PHKA1: variants seen among roughly 807,000 people sequenced by gnomAD.
PHKA1 encodes the protein phosphorylase kinase regulatory subunit alpha 1, also known as phosphorylase b kinase regulatory subunit alpha, skeletal muscle isoform.
PHKA1 carries 60 observed loss-of-function variants against 110.2 expected under a neutral mutation model. The observed-to-expected ratio is 0.54, with a 90% CI of 0.44 to 0.68. PHKA1 has a LOEUF of 0.68. PHKA1 is among the 30% of genes least tolerant of loss of function. The pLI is 0.00. For synonymous variants in PHKA1, 316 were observed against 333.6 expected, an observed-to-expected ratio of 0.95 and a Z score of 0.58; for missense variants, 801 against 942.5, an observed-to-expected ratio of 0.85 and a Z score of 1.97.
At chrX:72,644,099 A>G (rs943939116) in intron 14 of PHKA1, among the ~76,000 whole-genome samples, 6 of 111,500 alleles carry the variant, frequency 5.4e-5, no homozygotes, top group Non-Finnish European at 9.4e-5. Flanking sequence ...AGAACATGTT[A>G]TTTAAGCACA....
At chrX:72,653,590 G>A in intron 10 of PHKA1, 60 bp from the exon 11 acceptor site, 5 of 774,987 alleles carry the variant, frequency 6.5e-6, no homozygotes, top group South Asian at 4.4e-5. Context: ...GGGGACCCAG[G>A]AGAAGGTTGC....
At chrX:72,592,935 A>G (rs1556227659) in intron 29 of PHKA1, among the ~76,000 whole-genome samples, 169 bp downstream of exon 29, 1 of 112,720 alleles carries the variant, frequency 8.9e-6, no homozygotes, top group African/African-American at 3.2e-5. Flanking sequence ...TAATAATGCC[A>G]CAATAACAAA....
intron 19 of PHKA1, among the ~76,000 whole-genome samples, 163 bp downstream of exon 19, chrX:72,620,562 C>A (rs1467691518): frequency 8.9e-6 from 1 of 112,022 alleles, no homozygotes; most frequent in Non-Finnish European, 1.9e-5. Flanking sequence ...ACTCATTTTA[C>A]AAATATTTGA....
intron 17 of PHKA1, 50 bp downstream of exon 17, chrX:72,626,921 G>A (rs781953949): frequency 2.1e-6 from 2 of 944,973 alleles, no homozygotes; most frequent in Non-Finnish European, 3.1e-6. Flanking sequence ...ACTATATCCA[G>A]CCCCTTAATT....
At chrX:72,626,002 T>C (rs782028862) in intron 17 of PHKA1, among the ~76,000 whole-genome samples, 15 of 110,853 alleles carry the variant, frequency 1.4e-4, no homozygotes, top group Non-Finnish European at 2.3e-4. Flanking sequence ...AAAACTTAAG[T>C]ATTTAGGGTT....
chrX:72,597,864 A>G (rs2052611120), intron 28 of PHKA1, among the ~76,000 whole-genome samples: 1 of 111,234 alleles, frequency 9.0e-6, no homozygotes, highest in African/African-American at 3.3e-5. Flanking sequence ...CCCTCCATAC[A>G]TAATCATAGA....
chrX:72,700,308 A>G (rs1196249870), intron 3 of PHKA1, among the ~76,000 whole-genome samples: 1 of 112,281 alleles, frequency 8.9e-6, no homozygotes, highest in Non-Finnish European at 1.9e-5. Flanking sequence ...AAACTTTTAT[A>G]TTTGACAAAT....
intron 8 of PHKA1, among the ~76,000 whole-genome samples, chrX:72,663,082 A>T (rs1043061912): frequency 9.0e-6 from 1 of 111,457 alleles, no homozygotes; most frequent in Non-Finnish European, 1.9e-5. Context: ...ATGTTATAAA[A>T]GAAACTCAAA....
At chrX:72,649,256 AT>A (rs781978667) in intron 13 of PHKA1, among the ~76,000 whole-genome samples, 11 of 112,351 alleles carry the variant, frequency 9.8e-5, no homozygotes, top group African/African-American at 3.2e-4. Flanking sequence ...AAGTCAAGTG[AT>A]TGGAGACATC....
At chrX:72,678,350 ATCTGTATC>A (rs1202366446) in intron 5 of PHKA1, among the ~76,000 whole-genome samples, 1 of 111,694 alleles carries the variant, frequency 9.0e-6, no homozygotes, top group African/African-American at 3.3e-5. Flanking sequence ...TCCCACACAC[ATCTGTATC>A]TCTGTATCTA....
Position 72,640,016 on chromosome X carries a change from T to C in PHKA1, c.1460-3630A>G, listed in dbSNP as rs1244061550. Among the ~76,000 whole-genome samples, 3 of 111,998 alleles carry C rather than the reference T, an allele frequency of 2.7e-5. No homozygotes were observed. In the East Asian group the frequency reaches 8.3e-4, roughly 31 times the overall value. On this transcript the variant is annotated intron_variant, in intron 14 of 31. Transcript: ENST00000373542. ...GGCAAAAAGTCAGATTTTTACCTCA[T>C]TGGATAAACTAAAATTAATATTATA...
At chrX:72,679,937 T>A (rs984419739) in intron 5 of PHKA1, among the ~76,000 whole-genome samples, 2 of 110,938 alleles carry the variant, frequency 1.8e-5, no homozygotes, top group Non-Finnish European at 3.8e-5. Context: ...AAATGGACCC[T>A]AAATAGAAGA....
chrX:72,604,813 G>C (rs930290156), intron 25 of PHKA1, among the ~76,000 whole-genome samples: 27 of 111,626 alleles, frequency 2.4e-4, no homozygotes, highest in Admixed American at 2.1e-3. Context: ...ATTTCAAAGA[G>C]AGTCTTGTCA....
chrX:72,622,948 A>G (rs898137087), intron 18 of PHKA1, 161 bp downstream of exon 18: 3 of 753,850 alleles, frequency 4.0e-6, no homozygotes, highest in Non-Finnish European at 4.7e-6. Context: ...CAGAAACCAA[A>G]GGTAAGTAGA....
intron 19 of PHKA1, 37 bp from the exon 20 acceptor site, chrX:72,619,342 A>C: frequency 1.2e-6 from 1 of 816,689 alleles, no homozygotes; most frequent in South Asian, 2.1e-5. Flanking sequence ...ATATTAGGTA[A>C]TTAGGAGACT....
At chrX:72,649,789 C>T (rs782626181) in intron 13 of PHKA1, among the ~76,000 whole-genome samples, 7 of 110,387 alleles carry the variant, frequency 6.3e-5, no homozygotes, top group East Asian at 2.8e-4. Flanking sequence ...GTCAGGAGTT[C>T]GAGACCAGCC....
intron 3 of PHKA1, among the ~76,000 whole-genome samples, chrX:72,703,620 C>T (rs1462723481): frequency 9.0e-6 from 1 of 111,470 alleles, no homozygotes; most frequent in East Asian, 2.8e-4. Flanking sequence ...GCCAAGGCTG[C>T]AGTGAGTGAG....
chrX:72,682,572 C>G (rs1199217253), intron 5 of PHKA1, among the ~76,000 whole-genome samples: 8 of 107,705 alleles, frequency 7.4e-5, no homozygotes, highest in African/African-American at 2.4e-4. Context: ...TCATTTTGTT[C>G]TGCACTAAGA....
At position 72,618,776 on chromosome X, in the gene PHKA1, A is replaced by G. The variant is rs782675317; in HGVS notation, c.2303T>C (p.Leu768Ser). 1.7e-6 allele frequency: 2 copies of G among 1,192,352 alleles called. No individual in the cohort carries two copies. The highest frequency in any genetic ancestry group is 4.4e-5 in the Admixed American group (2 of 45,706). The change falls in exon 21 of 32, where the codon TTA (leucine) becomes TCA (serine). Residue 768 changes from leucine (L) to serine (S), a missense_variant. Transcript: ENST00000373542. ...SGEVDFKALV[L>S]QLKETSSLQE... ...TAAGCTTGAGGTCTCCTTCAACTGT[A>G]AAACCAGTGCTTTAAAGTCCACCTC... is the stretch of plus-strand genomic sequence containing the variant.
Sources: allele counts gnomAD v4.1 joint callset (sites outside exome capture counted in the v4.1 genomes callset), GRCh38; gene constraint gnomAD v4.1.1; transcripts MANE v1.5; gene names NCBI Gene and HGNC (gene_info 2026-07-23, HGNC 2026-07-21).